Variants in PKP4 observed in about 807,000 individuals in gnomAD.
PKP4 encodes the protein plakophilin 4.
In PKP4, 90 loss-of-function variants were observed where a neutral mutation model predicts 145.1. That is an observed-to-expected ratio of 0.62 (90% CI 0.52 to 0.74). The LOEUF (loss-of-function observed/expected upper bound fraction) is 0.74. Ranked by LOEUF, PKP4 falls within the 30% of genes least tolerant of loss-of-function variation. The pLI, the probability that PKP4 is intolerant of heterozygous loss-of-function variation, is 0.00. For missense variants in PKP4, 1,340 were observed against 1,482.7 expected (o/e 0.90, Z 1.58); for synonymous variants, 563 against 577.2 (o/e 0.98, Z 0.35).
At chr2:158,574,644 T>C (rs928682433) in intron 2 of PKP4, among the ~76,000 whole-genome samples, 1 of 152,236 alleles carries the variant, frequency 6.6e-6, no homozygotes, top group Non-Finnish European at 1.5e-5. Context: ...ATTTTTTCTT[T>C]GTAAACATTT....
chr2:158,638,197 A>G (rs139357397), intron 9 of PKP4, among the ~76,000 whole-genome samples: 20 of 152,338 alleles, frequency 1.3e-4, no homozygotes, highest in African/African-American at 4.6e-4. Context: ...AAGGAAAACT[A>G]TTTGTTACCA....
intron 1 of PKP4, among the ~76,000 whole-genome samples, chr2:158,476,687 T>C (rs1055163605): frequency 6.6e-6 from 1 of 151,760 alleles, no homozygotes; most frequent in Non-Finnish European, 1.5e-5. Context: ...CTGTTTCAAG[T>C]TTAGGCGATC....
chr2:158,545,073 C>CTTTTTTTT lies in PKP4; in HGVS notation c.132+11776_132+11783dup, dbSNP rs386391605. On this transcript the variant is annotated intron_variant, in intron 2 of 21. Coordinates refer to ENST00000389759, the MANE Select transcript of PKP4 (RefSeq NM_003628.6). ...GAGCAGGCCTAACCTAAGTCTTTCA[C>CTTTTTTTT]TTTTTTTTTTTTTTTTTTTTTTTTT... 9.4e-4 allele frequency among the ~76,000 whole-genome samples: 68 copies of CTTTTTTTT among 72,508 alleles called. 12 individuals are homozygous for CTTTTTTTT. Among genetic ancestry groups the CTTTTTTTT allele is most frequent in the African/African-American group, 3.2e-3 (56 of 17,636 alleles). 47.6% of individuals were successfully genotyped at this position (72,508 alleles called of 152,430 possible). A position where few individuals can be genotyped will look rare whatever the true frequency, so the allele number is the denominator to read the frequency against.
intron 3 of PKP4, among the ~76,000 whole-genome samples, chr2:158,600,060 G>A (rs1033826542): frequency 6.6e-6 from 1 of 152,172 alleles, no homozygotes; most frequent in Non-Finnish European, 1.5e-5. Context: ...ATATTTTCAT[G>A]TAATATTATG....
chr2:158,476,071 T>A (rs1453365681), intron 1 of PKP4, among the ~76,000 whole-genome samples: 2 of 152,358 alleles, frequency 1.3e-5, no homozygotes, highest in East Asian at 3.9e-4. Context: ...CTTATCTTTT[T>A]AACTTAGAAT....
chr2:158,640,911 A>G, intron 10 of PKP4, 152 bp downstream of exon 10: 1 of 803,162 alleles, frequency 1.2e-6, no homozygotes, highest in Non-Finnish European at 2.0e-6. Context: ...TTAACTATGC[A>G]TTTCAGTATC....
chr2:158,597,969 T>C (rs920036729), intron 3 of PKP4, among the ~76,000 whole-genome samples: 6 of 140,632 alleles, frequency 4.3e-5, no homozygotes, highest in African/African-American at 1.5e-4. Context: ...TAAAGGCACA[T>C]GTCACCATGC....
rs537403353 is a variant in PKP4, at chr2:158,634,058, T to A, written c.1343-12T>A. The A allele has an allele frequency of 4.4e-5, 65 of 1,481,794 alleles. 1 individual carries two copies. The Middle Eastern group carries it at 6.9e-4, about 16-fold the overall frequency. 91.8% of individuals were successfully genotyped at this position (1,481,794 alleles called of 1,614,324 possible). ...GAACATACTAATCTTTTTCAAAATG[T>A]TGACTTTCTAGTAGGTATTGGAAAT... On this transcript the variant is annotated splice_polypyrimidine_tract_variant and intron_variant, in intron 8 of 21. Coordinates refer to ENST00000389759, the MANE Select transcript of PKP4 (RefSeq NM_003628.6).
chr2:158,625,880 G>T (rs2052729854), intron 7 of PKP4, among the ~76,000 whole-genome samples: 1 of 152,062 alleles, frequency 6.6e-6, no homozygotes, highest in South Asian at 2.1e-4. Flanking sequence ...ATATAGACTA[G>T]ACTATGAATT....
At chr2:158,635,197 T>G (rs2053706074) in intron 9 of PKP4, among the ~76,000 whole-genome samples, 1 of 152,116 alleles carries the variant, frequency 6.6e-6, no homozygotes. Context: ...AAATGATGAG[T>G]GAGGTTTTGG....
chr2:158,670,498 G>C (rs1167073023), intron 17 of PKP4, among the ~76,000 whole-genome samples: 1 of 152,078 alleles, frequency 6.6e-6, no homozygotes, highest in Non-Finnish European at 1.5e-5. Context: ...ACTTTGGAAG[G>C]GACACAGACC....
intron 2 of PKP4, among the ~76,000 whole-genome samples, chr2:158,552,638 T>G (rs2045730710): frequency 6.6e-6 from 1 of 152,148 alleles, no homozygotes; most frequent in Non-Finnish European, 1.5e-5. Context: ...TTCTTAATAT[T>G]TACAGGCATA....
chr2:158,636,332 GTATTTT>G (rs1426078133), intron 9 of PKP4, among the ~76,000 whole-genome samples: 1 of 151,236 alleles, frequency 6.6e-6, no homozygotes, highest in Non-Finnish European at 1.5e-5. Context: ...TTTTCTTTCT[GTATTTT>G]AAAAGATGTC....
Position 158,640,683 on chromosome 2 carries a change from A to G in PKP4, c.1619A>G (p.Gln540Arg). Residue 540 changes from glutamine to arginine, a missense_variant, in exon 10 of 22, where the codon CAG becomes CGG. Gln to Arg is a conservative substitution (Grantham distance 43). Coordinates refer to ENST00000389759, the MANE Select transcript of PKP4 (RefSeq NM_003628.6). ...LPEVIHMLQHQFPSVQANAAA... is the reference protein window; with the variant it reads ...LPEVIHMLQHRFPSVQANAAA... The stretch of plus-strand genomic sequence containing the variant: ...GAGGTCATTCACATGCTTCAGCACC[A>G]GTTCCCATCTGTTCAGGCAAATGCA... The G allele has an allele frequency of 6.2e-7, 1 of 1,614,078 alleles. No homozygotes were observed. Among genetic ancestry groups the G allele is most frequent in the South Asian group, 1.1e-5 (1 of 91,086 alleles).
At position 158,516,676 on chromosome 2, in the gene PKP4, T is replaced by A. The variant is rs995624269; in HGVS notation, c.-5-16504T>A. On this transcript the variant is annotated intron_variant, in intron 1 of 21. Transcript: ENST00000389759. ...TACTTTTCTTTTTTTTTTTTTTTTT[T>A]AAGACAGAGTTCCGCTCTTGTTGCC... Among the ~76,000 whole-genome samples, 30 of 142,110 alleles carry A rather than the reference T, an allele frequency of 2.1e-4. No homozygotes were observed. In the East Asian group the frequency reaches 4.7e-3, roughly 22 times the overall value. The allele number at this position is 142,110 out of a possible 152,430, so 93.2% of individuals were successfully genotyped here. A position where few individuals can be genotyped will look rare whatever the true frequency, so the allele number is the denominator to read the frequency against.
chr2:158,674,032 AC>A (rs1195257376), intron 19 of PKP4, 32 bp downstream of exon 19: 1 of 1,170,850 alleles, frequency 8.5e-7, no homozygotes, highest in East Asian at 2.3e-5. Flanking sequence ...CTTGGCGAGA[AC>A]CTTTGTGTGA....
intron 2 of PKP4, among the ~76,000 whole-genome samples, chr2:158,573,434 G>A (rs973847361): frequency 1.7e-4 from 26 of 152,178 alleles, no homozygotes; most frequent in Non-Finnish European, 3.2e-4. Flanking sequence ...ATAGGATCTA[G>A]GAAAGAGAAA....
intron 11 of PKP4, among the ~76,000 whole-genome samples, chr2:158,655,410 A>C (rs2055812715): frequency 6.6e-6 from 1 of 152,142 alleles, no homozygotes; most frequent in African/African-American, 2.4e-5. Context: ...GAAACAACAA[A>C]AAAAAACAGG....
chr2:158,564,614 G>T (rs1048164319), intron 2 of PKP4, among the ~76,000 whole-genome samples: 1 of 152,134 alleles, frequency 6.6e-6, no homozygotes, highest in African/African-American at 2.4e-5. Flanking sequence ...TGAACAGTAC[G>T]TGTAAGTGCC....
Sources: gnomAD v4.1 joint callset for allele counts (sites outside exome capture counted in the v4.1 genomes callset) on GRCh38, gnomAD v4.1.1 for gene constraint, MANE v1.5 for transcripts, NCBI Gene and HGNC (gene_info 2026-07-23, HGNC 2026-07-21) for gene names.